Variants in RABEP1 observed in about 807,000 individuals in gnomAD.
The protein encoded by RABEP1 is rab GTPase-binding effector protein 1.
RABEP1 carries 51 observed loss-of-function variants against 123.4 expected under a neutral mutation model. The observed-to-expected ratio is 0.41, with a 90% CI of 0.33 to 0.52. RABEP1 has a LOEUF of 0.52. Among genes scored for constraint, RABEP1 ranks in the 20% least tolerant of loss-of-function variants. The pLI is 0.16. For missense variants in RABEP1, 888 were observed against 996.3 expected, an observed-to-expected ratio of 0.89 and a Z score of 1.46; for synonymous variants, 347 against 355.2, an observed-to-expected ratio of 0.98 and a Z score of 0.26.
At chr17:5,348,744 G>A (rs183744804) in intron 6 of RABEP1, among the ~76,000 whole-genome samples, 215 of 152,072 alleles carry the variant, frequency 1.4e-3, no homozygotes, top group African/African-American at 4.7e-3. Flanking sequence ...TGTATTTTTA[G>A]TAGAGATGGG....
intron 1 of RABEP1, among the ~76,000 whole-genome samples, chr17:5,299,763 C>G (rs190469588): frequency 8.5e-6 from 1 of 118,244 alleles, no homozygotes; most frequent in Admixed American, 1.1e-4. Flanking sequence ...CAGAGTCTCT[C>G]CTTGTCGCCA....
chr17:5,364,310 T>C (rs1909829577), intron 10 of RABEP1: 1 of 152,110 alleles, frequency 6.6e-6, no homozygotes, highest in African/African-American at 2.4e-5. Flanking sequence ...AATGATGTAT[T>C]GTAGGAAGTA....
chr17:5,377,747 G>A (rs534887480), intron 14 of RABEP1, among the ~76,000 whole-genome samples: 4 of 152,078 alleles, frequency 2.6e-5, no homozygotes, highest in Admixed American at 6.5e-5. Flanking sequence ...AGCTGGTCTC[G>A]AACTCCTGAC....
rs1431789316 is a variant in RABEP1 at position 5,310,552 on chromosome 17, TTG to T, written c.163+1733_163+1734del. Among the ~76,000 whole-genome samples the T allele has an allele frequency of 1.4e-4, 22 of 151,980 alleles. No individual in the cohort carries two copies. In the East Asian group the frequency reaches 4.1e-3, roughly 28 times the overall value. The stretch of plus-strand genomic sequence containing the variant: ...TCAGGCTGGTCTCAAACTCCTGACC[TTG>T]TGATCCGCCCGCTTCGGCCTCCCAA... On this transcript the variant is annotated intron_variant, in intron 2 of 17. Coordinates refer to ENST00000537505, the MANE Select transcript of RABEP1 (RefSeq NM_004703.6).
chr17:5,359,016 C>T (rs1909263555), intron 8 of RABEP1, among the ~76,000 whole-genome samples: 1 of 152,048 alleles, frequency 6.6e-6, no homozygotes, highest in African/African-American at 2.4e-5. Flanking sequence ...CCCACCTCAG[C>T]CTCCCAAAGT....
intron 13 of RABEP1, among the ~76,000 whole-genome samples, chr17:5,374,039 A>G (rs1212558545): frequency 6.6e-6 from 1 of 152,086 alleles, no homozygotes; most frequent in African/African-American, 2.4e-5. Flanking sequence ...AAGTTATAAC[A>G]CACTCACCAT....
intron 2 of RABEP1, among the ~76,000 whole-genome samples, chr17:5,324,660 C>A (rs1905792481): frequency 6.6e-6 from 1 of 152,156 alleles, no homozygotes; most frequent in Non-Finnish European, 1.5e-5. Flanking sequence ...TATTTGCAAA[C>A]TACCCATCTC....
intron 12 of RABEP1, among the ~76,000 whole-genome samples, chr17:5,372,178 C>T (rs1215290584): frequency 1.3e-5 from 2 of 152,100 alleles, no homozygotes; most frequent in East Asian, 3.9e-4. Flanking sequence ...GGTGCGGTGG[C>T]TCACGCCTGT....
chr17:5,353,018 C>A (rs1908697338), intron 7 of RABEP1, among the ~76,000 whole-genome samples: 1 of 152,170 alleles, frequency 6.6e-6, no homozygotes, highest in South Asian at 2.1e-4. Context: ...TTCCTGTGTT[C>A]TAGAATAGTA....
chr17:5,382,235 C>A (rs973446137), intron 17 of RABEP1, among the ~76,000 whole-genome samples: 1 of 151,676 alleles, frequency 6.6e-6, no homozygotes, highest in Non-Finnish European at 1.5e-5. Context: ...GTACACACCA[C>A]CAAGCCCAGC....
rs752451529 is a variant in RABEP1 at position 5,365,258 on chromosome 17, C to CTG, written c.1785+23_1785+24dup. ...CACCAGGTAAGGGAGGGTTTATAGA[C>CTG]TGTGGCCCATGAGGGATGACTGGGT... is the stretch of plus-strand genomic sequence containing the variant. On this transcript the variant is annotated intron_variant, in intron 11 of 17. Transcript: ENST00000537505. 1 of 1,505,410 alleles carries CTG rather than the reference C, an allele frequency of 6.6e-7. No homozygotes were observed. Among genetic ancestry groups the CTG allele is most frequent in the Admixed American group, 2.1e-5 (1 of 47,594 alleles). The allele number at this position is 1,505,410 out of a possible 1,614,324, so 93.3% of individuals were successfully genotyped here. A position where few individuals can be genotyped will look rare whatever the true frequency, so the allele number is the denominator to read the frequency against.
intron 5 of RABEP1, among the ~76,000 whole-genome samples, chr17:5,344,472 G>A (rs2144632524): frequency 6.6e-6 from 1 of 152,124 alleles, no homozygotes; most frequent in East Asian, 1.9e-4. Flanking sequence ...AGATAATTCT[G>A]AAGAAAAACA....
At chr17:5,368,879 C>T (rs959744165) in intron 12 of RABEP1, among the ~76,000 whole-genome samples, 2 of 152,054 alleles carry the variant, frequency 1.3e-5, no homozygotes, top group Non-Finnish European at 2.9e-5. Context: ...TGGGCTGAGG[C>T]GGGTGGATCA....
chr17:5,288,341 G>A (rs2074999322), intron 1 of RABEP1, among the ~76,000 whole-genome samples: 1 of 152,064 alleles, frequency 6.6e-6, no homozygotes, highest in Non-Finnish European at 1.5e-5. Flanking sequence ...AGAGGTGTAC[G>A]GGAACCCACT....
chr17:5,300,031 A>G (rs1023447524), intron 1 of RABEP1, among the ~76,000 whole-genome samples: 1 of 151,580 alleles, frequency 6.6e-6, no homozygotes, highest in African/African-American at 2.4e-5. Context: ...CCTGGCCTAC[A>G]CTCATTTCTA....
chr17:5,356,580 ATC>A (rs1225167736), intron 8 of RABEP1: 2 of 171,228 alleles, frequency 1.2e-5, no homozygotes, highest in Admixed American at 6.4e-5. Context: ...TTTGGTATGT[ATC>A]TCTTTCTTCC....
intron 8 of RABEP1, 104 bp downstream of exon 8, chr17:5,354,594 C>A: frequency 9.5e-7 from 1 of 1,055,536 alleles, no homozygotes; most frequent in Non-Finnish European, 1.3e-6. Context: ...GTGAGAAGTG[C>A]ATAGCTACGA....
At chr17:5,344,219 CTTGAGACCAGGAGT>C (rs1329215658) in intron 5 of RABEP1, among the ~76,000 whole-genome samples, 1 of 152,078 alleles carries the variant, frequency 6.6e-6, no homozygotes, top group Non-Finnish European at 1.5e-5. Context: ...ATTTAGATTG[CTTGAGACCAGGAGT>C]TTGAGACCAG....
intron 7 of RABEP1, among the ~76,000 whole-genome samples, chr17:5,353,128 CT>C (rs1567539431): frequency 6.6e-6 from 1 of 152,196 alleles, no homozygotes; most frequent in Admixed American, 6.5e-5. Context: ...ATGTCCTTTA[CT>C]TCTCATGTGC....
Sources: allele counts gnomAD v4.1 joint callset (sites outside exome capture counted in the v4.1 genomes callset), GRCh38; gene constraint gnomAD v4.1.1; transcripts MANE v1.5; gene names NCBI Gene and HGNC (gene_info 2026-07-23, HGNC 2026-07-21).